Variants in SINHCAF observed in about 807,000 individuals in gnomAD.
The protein encoded by SINHCAF is SIN3-HDAC complex associated factor.
SINHCAF carries 3 observed loss-of-function variants against 25.8 expected under a neutral mutation model. The ratio of observed to expected loss-of-function variants is 0.12; its 90% CI spans 0.05 to 0.30. The LOEUF is 0.30. Ranked by LOEUF, SINHCAF falls within the 10% of genes least tolerant of loss-of-function variation. The pLI is 1.00. For synonymous variants in SINHCAF, 70 were observed against 85.5 expected, an observed-to-expected ratio of 0.82 and a Z score of 1.00; for missense variants, 121 against 262.3, an observed-to-expected ratio of 0.46 and a Z score of 3.72.
intron 1 of SINHCAF, among the ~76,000 whole-genome samples, chr12:31,310,870 CTTT>C (rs901142862): frequency 7.2e-6 from 1 of 139,836 alleles, no homozygotes. Flanking sequence ...AATCTACGAT[CTTT>C]TTTTTTTTTT....
intron 4 of SINHCAF, among the ~76,000 whole-genome samples, chr12:31,293,451 C>A (rs755856904): frequency 1.3e-5 from 2 of 152,182 alleles, no homozygotes; most frequent in Non-Finnish European, 2.9e-5. Context: ...AGATTGTCCC[C>A]TTTACGTACC....
intron 1 of SINHCAF, among the ~76,000 whole-genome samples, chr12:31,298,756 G>C (rs1052032225): frequency 1.1e-4 from 16 of 152,176 alleles, no homozygotes; most frequent in African/African-American, 3.6e-4. Flanking sequence ...GATTTCTTCT[G>C]TGATAAATGG....
At chr12:31,323,566 G>C (rs1043089570) in intron 1 of SINHCAF, among the ~76,000 whole-genome samples, 1 of 152,098 alleles carries the variant, frequency 6.6e-6, no homozygotes, top group Non-Finnish European at 1.5e-5. Context: ...AGTAATGGAA[G>C]GTTACAGGAA....
At chr12:31,321,737 C>T (rs1939700412) in intron 1 of SINHCAF, among the ~76,000 whole-genome samples, 1 of 152,100 alleles carries the variant, frequency 6.6e-6, no homozygotes, top group African/African-American at 2.4e-5. Flanking sequence ...AATTATATTC[C>T]TACCATCTCT....
At chr12:31,313,875 G>C (rs75485625) in intron 1 of SINHCAF, among the ~76,000 whole-genome samples, 24 of 151,796 alleles carry the variant, frequency 1.6e-4, no homozygotes, top group Non-Finnish European at 2.8e-4. Flanking sequence ...GGCTGGTCTC[G>C]AACTCCTGAC....
In SINHCAF at chr12:31,295,340, A is replaced by C; in HGVS notation, c.129-7T>G. 1 of 1,581,680 alleles carries C rather than the reference A, an allele frequency of 6.3e-7. No individual in the cohort carries two copies. The highest frequency in any genetic ancestry group is 2.2e-5 in the East Asian group (1 of 44,668). The stretch of plus-strand genomic sequence containing the variant: ...TGAACGAGTCTCATGCAATCTGATA[A>C]GAAAACAATCAAACCTTTATCAGTC... On this transcript the variant is annotated splice_polypyrimidine_tract_variant and splice_region_variant and intron_variant, in intron 2 of 5. Transcript: ENST00000337682.
At chr12:31,285,454 CATAA>C (rs1281383120) in intron 5 of SINHCAF, among the ~76,000 whole-genome samples, 3 of 151,040 alleles carry the variant, frequency 2.0e-5, no homozygotes, top group East Asian at 1.9e-4. Flanking sequence ...CACACACACA[CATAA>C]ATAAATGTTA....
chr12:31,287,283 AT>A (rs1268966828), intron 5 of SINHCAF, among the ~76,000 whole-genome samples: 1 of 152,038 alleles, frequency 6.6e-6, no homozygotes, highest in African/African-American at 2.4e-5. Context: ...AAAATTGCTT[AT>A]GTGTATTATC....
intron 5 of SINHCAF, among the ~76,000 whole-genome samples, chr12:31,285,414 T>TATACACACAC (rs1366908542): frequency 6.8e-5 from 3 of 43,916 alleles, no homozygotes; most frequent in African/African-American, 1.4e-4. Context: ...TTTATATATA[T>TATACACACAC]ACATACACAC....
chr12:31,287,733 C>T lies in SINHCAF; in HGVS notation c.407G>A (p.Cys136Tyr). 1 of 1,611,118 alleles carries T rather than the reference C, an allele frequency of 6.2e-7. No homozygotes were observed. The highest frequency in any genetic ancestry group is 8.5e-7 in the Non-Finnish European group (1 of 1,178,350). The change falls in exon 5 of 6, where the codon TGT becomes TAT. Residue 136 changes from cysteine to tyrosine, a missense_variant. By Grantham distance (194) the Cys-to-Tyr change is radical. Coordinates refer to ENST00000337682, the MANE Select transcript of SINHCAF (RefSeq NM_001135812.2). The part of the protein sequence containing the change: ...TSSASPAQSP[C>Y]YSNQSDDGSD... The stretch of plus-strand genomic sequence containing the variant: ...GCCGTCATCTGACTGGTTACTGTAA[C>T]AAGGAGATTGAGCTGGGGAGGCACT...
rs552063395 is a variant in SINHCAF, at chr12:31,310,076, G to T, written c.-20-11852C>A. Among the ~76,000 whole-genome samples the T allele has an allele frequency of 6.0e-3, 919 of 152,272 alleles. 12 individuals are homozygous for T. Among genetic ancestry groups the T allele is most frequent in the African/African-American group, 0.021 (872 of 41,532 alleles). ...GGAAAAAGAGATGAGCATTATGGAT[G>T]TCGTGGAAATTTCAATCCAGAAGGT... On this transcript the variant is annotated intron_variant, in intron 1 of 5. Coordinates refer to ENST00000337682, the MANE Select transcript of SINHCAF (RefSeq NM_001135812.2).
At position 31,280,924 on chromosome 12, in the gene SINHCAF, A is replaced by C. The variant is rs1211173697; in HGVS notation, c.*1788T>G. 6.6e-6 allele frequency: 1 copy of C among 152,204 alleles called. No homozygotes were observed. The highest frequency in any genetic ancestry group is 1.9e-4 in the East Asian group (1 of 5,200). 9.4% of individuals were successfully genotyped at this position (152,204 alleles called of 1,614,324 possible). A position where few individuals can be genotyped will look rare whatever the true frequency, so the allele number is the denominator to read the frequency against. ...TGGACTTTTGTAATTCACCTCAAAG[A>C]CTGTGGGAGAGCCAACTCAACTCAC... On this transcript the variant is annotated 3_prime_UTR_variant, in exon 6 of 6. Coordinates refer to ENST00000337682, the MANE Select transcript of SINHCAF (RefSeq NM_001135812.2).
chr12:31,297,140 A>C, intron 2 of SINHCAF: 2 of 336,384 alleles, frequency 5.9e-6, no homozygotes, highest in Non-Finnish European at 1.2e-5. Flanking sequence ...ATTTATTGTT[A>C]ATCCTGGACT....
intron 1 of SINHCAF, among the ~76,000 whole-genome samples, chr12:31,316,384 G>A (rs1048354539): frequency 6.6e-6 from 1 of 152,014 alleles, no homozygotes; most frequent in African/African-American, 2.4e-5. Flanking sequence ...TGATTTGTAG[G>A]GTTTTCTTCT....
At chr12:31,321,500 C>A (rs1939691532) in intron 1 of SINHCAF, among the ~76,000 whole-genome samples, 1 of 152,224 alleles carries the variant, frequency 6.6e-6, no homozygotes, top group Admixed American at 6.5e-5. Context: ...AAAATGTCTA[C>A]TTCCCAGTGT....
chr12:31,285,414 T>TAC lies in SINHCAF; in HGVS notation c.506+2218_506+2219dup, dbSNP rs1258167143. Among the ~76,000 whole-genome samples the TAC allele has an allele frequency of 7.2e-3, 315 of 43,952 alleles. 1 individual carries two copies. Among genetic ancestry groups the TAC allele is most frequent in the Middle Eastern group, 0.033 (4 of 122 alleles). 28.8% of individuals were successfully genotyped at this position (43,952 alleles called of 152,430 possible). ...CAACATAGACATATATTTATATATA[T>TAC]ACATACACACACACACACACACACA... On this transcript the variant is annotated intron_variant, in intron 5 of 5. Coordinates refer to ENST00000337682, the MANE Select transcript of SINHCAF (RefSeq NM_001135812.2).
intron 5 of SINHCAF, among the ~76,000 whole-genome samples, chr12:31,286,150 CTT>C (rs1938055423): frequency 6.6e-6 from 1 of 152,122 alleles, no homozygotes; most frequent in African/African-American, 2.4e-5. Flanking sequence ...AGTCAACACT[CTT>C]GATTTGTTCC....
At position 31,325,579 on chromosome 12, in the gene SINHCAF, C is replaced by A. The variant is rs1939938272; in HGVS notation, c.-21+445G>T. On this transcript the variant is annotated intron_variant, in intron 1 of 5. Coordinates refer to ENST00000337682, the MANE Select transcript of SINHCAF (RefSeq NM_001135812.2). The surrounding 1 kb of genome is among the most constrained non-coding windows in gnomAD (Gnocchi z 5.9). The stretch of plus-strand genomic sequence containing the variant: ...CGCCCGACCCTGCCCGCGCCTCGCG[C>A]CCACGCGGACGCACCGACCCCGGCC... 5.1e-6 allele frequency: 1 copy of A among 196,680 alleles called. No individual in the cohort carries two copies. The highest frequency in any genetic ancestry group is 6.5e-5 in the South Asian group (1 of 15,416). 12.2% of individuals were successfully genotyped at this position (196,680 alleles called of 1,614,324 possible).
chr12:31,312,628 T>G (rs969448468), intron 1 of SINHCAF, among the ~76,000 whole-genome samples: 1 of 152,222 alleles, frequency 6.6e-6, no homozygotes. Flanking sequence ...TATTGGCCAT[T>G]TAGGTATCCT....
Sources: allele counts gnomAD v4.1 joint callset (sites outside exome capture counted in the v4.1 genomes callset), GRCh38; gene constraint gnomAD v4.1.1; non-coding constraint Gnocchi (gnomAD v3.1); transcripts MANE v1.5; gene names NCBI Gene and HGNC (gene_info 2026-07-23, HGNC 2026-07-21).